NRXN1: variants seen among roughly 807,000 people sequenced by gnomAD.
NRXN1 encodes neurexin 1, also known as neurexin-1.
Under a neutral mutation model 150.9 loss-of-function variants are expected in NRXN1, and 39 were observed. The ratio of observed to expected loss-of-function variants is 0.26; its 90% CI spans 0.20 to 0.34. The LOEUF is 0.34. Ranked by LOEUF, NRXN1 falls within the 10% of genes least tolerant of loss-of-function variation. The pLI, the probability that NRXN1 is intolerant of heterozygous loss-of-function variation, is 1.00. For synonymous variants in NRXN1, 924 were observed against 757.0 expected (o/e 1.22, Z -3.62); for missense variants, 1,815 against 1,949.9 (o/e 0.93, Z 1.30).
rs1700001402 is a variant in NRXN1, at chr2:50,094,752, A to G, written c.3547-3258T>C. On this transcript the variant is annotated intron_variant, in intron 18 of 22. Transcript: ENST00000401669. ...GGGATTGGGCTGAGTGGTGAAGAAA[A>G]CTGAGAAAAGAAAAGAAAAAAAAAA... is the stretch of plus-strand genomic sequence containing the variant. Among the ~76,000 whole-genome samples the G allele has an allele frequency of 2.0e-5, 3 of 147,480 alleles. No individual in the cohort carries two copies. The Admixed American group carries it at 2.1e-4, about 11-fold the overall frequency.
intron 18 of NRXN1, among the ~76,000 whole-genome samples, chr2:50,107,580 C>T (rs1410206444): frequency 7.5e-6 from 1 of 133,704 alleles, no homozygotes; most frequent in Non-Finnish European, 1.6e-5. Flanking sequence ...AAATGTGATA[C>T]ATCAATGGAT....
chr2:49,949,933 C>T (rs1277750799), intron 21 of NRXN1, among the ~76,000 whole-genome samples: 2 of 151,576 alleles, frequency 1.3e-5, no homozygotes, highest in Admixed American at 1.3e-4. Flanking sequence ...GTGTGGTTTT[C>T]ATGAATGAAT....
At chr2:50,041,357 T>C (rs548827209) in intron 21 of NRXN1, among the ~76,000 whole-genome samples, 3 of 152,352 alleles carry the variant, frequency 2.0e-5, no homozygotes, top group South Asian at 2.1e-4. Context: ...AAAAATGTTA[T>C]ACATTTTCCC....
intron 6 of NRXN1, among the ~76,000 whole-genome samples, chr2:50,622,462 A>G (rs1680201466): frequency 6.6e-6 from 1 of 152,162 alleles, no homozygotes; most frequent in Admixed American, 6.6e-5. Flanking sequence ...AAAATTAGTC[A>G]CTGTCAACAC....
At chr2:49,934,682 TGG>T (rs765072228) in intron 22 of NRXN1, among the ~76,000 whole-genome samples, 44 of 152,274 alleles carry the variant, frequency 2.9e-4, no homozygotes, top group African/African-American at 9.4e-4. Flanking sequence ...GGAGGCTGTG[TGG>T]GTAGGTGTGC....
At chr2:50,571,361 G>A (rs1670636019) in intron 8 of NRXN1, among the ~76,000 whole-genome samples, 1 of 152,154 alleles carries the variant, frequency 6.6e-6, no homozygotes. Flanking sequence ...TGGGTCTTAA[G>A]AAGAAGTGGC....
intron 17 of NRXN1, among the ~76,000 whole-genome samples, chr2:50,411,058 C>G (rs2083119081): frequency 6.6e-6 from 1 of 151,830 alleles, no homozygotes; most frequent in South Asian, 2.1e-4. Context: ...CCCCGTCCCT[C>G]TCCCTCTCCT....
rs533516264 is a variant in NRXN1, at chr2:50,907,361, G to C, written c.832+14508C>G. ...GGTATTTGGGTCTTCAACTCTGAAA[G>C]TGCCTGTGTTACATGAAACTTTGAT... On this transcript the variant is annotated intron_variant, in intron 5 of 22. Coordinates refer to ENST00000401669, the MANE Select transcript of NRXN1 (RefSeq NM_001330078.2). Among the ~76,000 whole-genome samples, 220 of 152,138 alleles carry C rather than the reference G, an allele frequency of 1.4e-3. 2 individuals are homozygous for C. Among genetic ancestry groups the C allele is most frequent in the African/African-American group, 5.2e-3 (215 of 41,534 alleles).
chr2:50,315,069 T>A (rs2075485084), intron 17 of NRXN1, among the ~76,000 whole-genome samples: 1 of 152,090 alleles, frequency 6.6e-6, no homozygotes, highest in African/African-American at 2.4e-5. Flanking sequence ...CGGTGTATAT[T>A]CTTCTAGGTA....
In NRXN1 at chr2:49,999,252, G is replaced by T. The variant is rs965402417; in HGVS notation, c.4128+54019C>A. 4.6e-5 allele frequency among the ~76,000 whole-genome samples: 7 copies of T among 152,098 alleles called. No individual in the cohort carries two copies. In the East Asian group the frequency reaches 1.4e-3, roughly 29 times the overall value. On this transcript the variant is annotated intron_variant, in intron 21 of 22. Transcript: ENST00000401669. ...TGATTGGCTACTCTCCTATAAATAA[G>T]ATCTAAAAATTTAGAATATGAATTT...
chr2:50,329,655 ATATATATATATATATATATT>A (rs1558536998), intron 17 of NRXN1, among the ~76,000 whole-genome samples: 188 of 13,038 alleles, frequency 0.014, 13 homozygotes, highest in Non-Finnish European at 0.018. Flanking sequence ...ATATATATAT[ATATATATATATATATATATT>A]TTTTTTTTTC....
rs33968907 is a variant in NRXN1 at position 50,614,733 on chromosome 2, C to CAAA, written c.1320+5286_1320+5288dup. On this transcript the variant is annotated intron_variant, in intron 8 of 22. Transcript: ENST00000401669. ...ACCTATTAAACTAATATCAGCCATT[C>CAAA]AAAAAAAAAAAAAAAAAAAAAACTT... Among the ~76,000 whole-genome samples the CAAA allele has an allele frequency of 3.8e-4, 37 of 98,102 alleles. 1 individual carries two copies. Among genetic ancestry groups the CAAA allele is most frequent in the Non-Finnish European group, 4.6e-4 (24 of 52,204 alleles). The allele number at this position is 98,102 out of a possible 152,430, so 64.4% of individuals were successfully genotyped here. A position where few individuals can be genotyped will look rare whatever the true frequency, so the allele number is the denominator to read the frequency against.
At chr2:50,340,585 A>C (rs17040473) in intron 17 of NRXN1, among the ~76,000 whole-genome samples, 17,522 of 152,170 alleles carry the variant, frequency 0.12, 1,358 homozygotes, top group East Asian at 0.4. Context: ...AAATATCTCC[A>C]GTTACAATAT....
At chr2:51,003,859 T>G (rs1378824366) in intron 2 of NRXN1, among the ~76,000 whole-genome samples, 1 of 152,006 alleles carries the variant, frequency 6.6e-6, no homozygotes, top group Non-Finnish European at 1.5e-5. Context: ...AGCTTGTGAA[T>G]AAAGTTGCCC....
At chr2:50,115,798 T>C (rs1573996932) in intron 18 of NRXN1, among the ~76,000 whole-genome samples, 1 of 152,224 alleles carries the variant, frequency 6.6e-6, no homozygotes. Flanking sequence ...TACTAGTCTA[T>C]CTCCAATGTG....
At chr2:50,858,867 C>T (rs1675664105) in intron 5 of NRXN1, among the ~76,000 whole-genome samples, 1 of 151,916 alleles carries the variant, frequency 6.6e-6, no homozygotes, top group African/African-American at 2.4e-5. Flanking sequence ...CCTAGGGGCC[C>T]AGAAAGTGGC....
intron 8 of NRXN1, among the ~76,000 whole-genome samples, chr2:50,602,715 T>C (rs1051004990): frequency 2.0e-5 from 3 of 152,142 alleles, no homozygotes. Context: ...GGAACATGTA[T>C]TCTGGCAAAA....
chr2:49,946,599 A>T lies in NRXN1; in HGVS notation c.4129-2808T>A, dbSNP rs566249265. Reference sequence around the variant, plus strand: ...GGGGTCCGGTTTCAGTTTCCTGCATATGTCTAGCCAGTTTTCCCAACACCA... The same window carrying T: ...GGGGTCCGGTTTCAGTTTCCTGCATTTGTCTAGCCAGTTTTCCCAACACCA... On this transcript the variant is annotated intron_variant, in intron 21 of 22. Coordinates refer to ENST00000401669, the MANE Select transcript of NRXN1 (RefSeq NM_001330078.2). Among the ~76,000 whole-genome samples, 5 of 152,200 alleles carry T rather than the reference A, an allele frequency of 3.3e-5. No homozygotes were observed. In the South Asian group the frequency reaches 1.0e-3, roughly 32 times the overall value.
intron 5 of NRXN1, among the ~76,000 whole-genome samples, chr2:50,634,191 C>G (rs1682861900): frequency 6.6e-6 from 1 of 152,148 alleles, no homozygotes; most frequent in African/African-American, 2.4e-5. Context: ...AGGGGAATGA[C>G]ATGGTTTGAT....
Sources: allele counts gnomAD v4.1 joint callset (sites outside exome capture counted in the v4.1 genomes callset), GRCh38; gene constraint gnomAD v4.1.1; transcripts MANE v1.5; gene names NCBI Gene and HGNC (gene_info 2026-07-23, HGNC 2026-07-21).